Variants in DOCK9 observed in about 807,000 individuals in gnomAD.
DOCK9 encodes dedicator of cytokinesis 9.
A neutral mutation model predicts 263.3 loss-of-function variants in DOCK9; 89 were observed. The observed-to-expected ratio is 0.34, with a 90% CI of 0.28 to 0.40. DOCK9 has a LOEUF of 0.40. Ranked by LOEUF, DOCK9 falls within the 10% of genes least tolerant of loss-of-function variation. The probability of loss-of-function intolerance (pLI) is 1.00; values close to 1 mark genes in which losing one functional copy is unlikely to be tolerated. For synonymous variants in DOCK9, 976 were observed against 973.1 expected, an observed-to-expected ratio of 1.00 and a Z score of -0.06; for missense variants, 2,140 against 2,603.4, an observed-to-expected ratio of 0.82 and a Z score of 3.87.
chr13:98,961,224 C>T (rs1341764605), intron 1 of DOCK9, among the ~76,000 whole-genome samples: 1 of 152,152 alleles, frequency 6.6e-6, no homozygotes, highest in East Asian at 1.9e-4. Context: ...TTCAAGTGGG[C>T]AAAAGTTTGA....
upstream of DOCK9, among the ~76,000 whole-genome samples, chr13:98,980,862 C>A (rs1018672305): frequency 2.0e-5 from 3 of 152,016 alleles, no homozygotes; most frequent in Admixed American, 2.0e-4. Flanking sequence ...ATGAGCCAGG[C>A]CTTCTTCTTG....
At chr13:99,053,654 C>T (rs2040800530) in intron 1 of DOCK9, among the ~76,000 whole-genome samples, 1 of 152,158 alleles carries the variant, frequency 6.6e-6, no homozygotes, top group African/African-American at 2.4e-5. Context: ...AAACCGGGAA[C>T]CAGGTTTCAG....
intron 15 of DOCK9, among the ~76,000 whole-genome samples, chr13:98,897,018 C>T (rs183187052): frequency 6.6e-6 from 1 of 152,306 alleles, no homozygotes; most frequent in Admixed American, 6.5e-5. Flanking sequence ...TGGAGCAATG[C>T]TGCCACAAGC....
chr13:98,794,841 A>G (rs2089154253), intron 52 of DOCK9, 93 bp from the exon 53 acceptor site: 2 of 1,429,742 alleles, frequency 1.4e-6, no homozygotes, highest in Non-Finnish European at 1.9e-6. Flanking sequence ...TACCAAGTGT[A>G]ACAAAATGTT....
chr13:98,957,130 C>T (rs1437590926), intron 1 of DOCK9, among the ~76,000 whole-genome samples: 1 of 152,216 alleles, frequency 6.6e-6, no homozygotes. Context: ...TGCAGCCACG[C>T]ACACAGGATC....
chr13:98,914,509 C>T (rs930951062), intron 8 of DOCK9, 114 bp from the exon 9 acceptor site: 93 of 815,984 alleles, frequency 1.1e-4, no homozygotes, highest in Non-Finnish European at 1.5e-4. Context: ...AGTGGTTCCC[C>T]ACTCTGGATG....
In DOCK9 at chr13:98,897,198, A is replaced by T. The variant is rs2047572495; in HGVS notation, c.1709+290T>A. The stretch of plus-strand genomic sequence containing the variant: ...CAGTGGCTTTGCTGAGTCCTTTCTC[A>T]CCTCTTGACAAGGTTCCTCAACTGT... On this transcript the variant is annotated intron_variant, in intron 15 of 52. Coordinates refer to ENST00000682017, the MANE Select transcript of DOCK9 (RefSeq NM_001366683.2). Among the ~76,000 whole-genome samples the T allele has an allele frequency of 3.9e-5, 6 of 152,008 alleles. No individual in the cohort carries two copies. In the South Asian group the frequency reaches 1.2e-3, roughly 32 times the overall value.
In DOCK9 at chr13:98,888,640, T is replaced by C; in HGVS notation, c.1781A>G (p.Asp594Gly). 6.2e-7 allele frequency: 1 copy of C among 1,613,834 alleles called. No homozygotes were observed. ...GTAGAACTGACACTTACTAGGGAAGTCTGAGGAAACATTATCAATTGTAAT... is the reference window on the plus strand; with the variant it reads ...GTAGAACTGACACTTACTAGGGAAGCCTGAGGAAACATTATCAATTGTAAT... ...LDITIDNVSSDFPNYVNSSYI... is the reference protein window; with the variant it reads ...LDITIDNVSSGFPNYVNSSYI... The change falls in exon 16 of 53, where the codon GAC becomes GGC. Residue 594 changes from aspartate (D) to glycine (G), a missense_variant. Asp to Gly is a moderately conservative substitution (Grantham distance 94). Around this residue, in one of 2 missense-constraint regions of DOCK9, gnomAD observed 1,521 missense variants for 1,741.7 expected, o/e 0.87. Transcript: ENST00000682017.
intron 31 of DOCK9, 56 bp downstream of exon 31, chr13:98,863,314 C>T (rs547079098): frequency 1.5e-5 from 23 of 1,578,516 alleles, no homozygotes; most frequent in African/African-American, 1.3e-4. Flanking sequence ...TTTCTTTACA[C>T]CACTTAAAAT....
In DOCK9 at chr13:98,904,719, T is replaced by A. The variant is rs777951414; in HGVS notation, c.961-13A>T. On this transcript the variant is annotated splice_polypyrimidine_tract_variant and intron_variant, in intron 9 of 52. Coordinates refer to ENST00000682017, the MANE Select transcript of DOCK9 (RefSeq NM_001366683.2). ...CTTCTCTTGCACTCTGATAACAAGA[T>A]ACATGAAAATTACATTTAACACAAT... The A allele has an allele frequency of 3.2e-6, 5 of 1,545,134 alleles. No individual in the cohort carries two copies. The highest frequency in any genetic ancestry group is 4.4e-6 in the Non-Finnish European group (5 of 1,144,176).
At chr13:98,922,219 T>A (rs2052146947) in intron 5 of DOCK9, 73 bp from the exon 6 acceptor site, 2 of 1,124,944 alleles carry the variant, frequency 1.8e-6, no homozygotes, top group Admixed American at 4.0e-5. Flanking sequence ...GTTTGGTCAA[T>A]GGGAAGGTCA....
intron 1 of DOCK9, among the ~76,000 whole-genome samples, chr13:99,049,326 CA>C (rs1245971839): frequency 9.9e-5 from 15 of 152,160 alleles, no homozygotes; most frequent in Admixed American, 1.3e-4. Flanking sequence ...GCTCCTTGGA[CA>C]GGGGCAGTGT....
chr13:98,957,402 G>C (rs1240375827), intron 1 of DOCK9, among the ~76,000 whole-genome samples: 1 of 151,960 alleles, frequency 6.6e-6, no homozygotes, highest in Admixed American at 6.6e-5. Context: ...AAGATGTTTT[G>C]ACATGCTAAG....
intron 45 of DOCK9, among the ~76,000 whole-genome samples, chr13:98,818,119 A>T (rs1477628384): frequency 6.6e-6 from 1 of 152,250 alleles, no homozygotes; most frequent in African/African-American, 2.4e-5. Context: ...ATATTACAAA[A>T]GTAAGTCCAC....
chr13:99,060,692 G>A (rs754013302), intron 1 of DOCK9, among the ~76,000 whole-genome samples: 2 of 152,120 alleles, frequency 1.3e-5, no homozygotes, highest in African/African-American at 4.8e-5. Context: ...GTCTAGAGCA[G>A]GTACCTTTCT....
Position 98,797,265 on chromosome 13 carries a change from C to T in DOCK9, c.6018-12G>A. Reference sequence around the variant, plus strand: ...CTTCCACAAATTGCCTGGAATGGTACAGGCGGGAGAAACAAAGGCACGCAG... The same window carrying T: ...CTTCCACAAATTGCCTGGAATGGTATAGGCGGGAGAAACAAAGGCACGCAG... On this transcript the variant is annotated splice_polypyrimidine_tract_variant and intron_variant, in intron 51 of 52. Transcript: ENST00000682017. 6.2e-7 allele frequency: 1 copy of T among 1,613,828 alleles called. No individual in the cohort carries two copies. Among genetic ancestry groups the T allele is most frequent in the Non-Finnish European group, 8.5e-7 (1 of 1,179,822 alleles).
chr13:98,954,808 A>C (rs1219028433), intron 2 of DOCK9, among the ~76,000 whole-genome samples: 1 of 151,936 alleles, frequency 6.6e-6, no homozygotes, highest in Non-Finnish European at 1.5e-5. Flanking sequence ...AAAGACAGAA[A>C]GGCACTTGTG....
intron 14 of DOCK9, 147 bp downstream of exon 14, chr13:98,898,032 A>T: frequency 1.6e-6 from 1 of 637,584 alleles, no homozygotes. Flanking sequence ...ACTCTACCAA[A>T]TGATTTTTTC....
At chr13:98,894,539 A>G (rs764677996) in intron 15 of DOCK9, among the ~76,000 whole-genome samples, 4 of 152,130 alleles carry the variant, frequency 2.6e-5, no homozygotes, top group Non-Finnish European at 5.9e-5. Context: ...TAGTGTATTC[A>G]CTTTCCTAAG....
Sources: gnomAD v4.1 joint callset for allele counts (sites outside exome capture counted in the v4.1 genomes callset) on GRCh38, gnomAD v4.1.1 for gene constraint, gnomAD v4.1.1 regional missense constraint, MANE v1.5 for transcripts, NCBI Gene and HGNC (gene_info 2026-07-23, HGNC 2026-07-21) for gene names.